The following CDKN2B-AS1 variants were observed in gnomAD, a reference collection of about 807,000 sequenced individuals.
CDKN2B-AS1 encodes the protein CDKN2B and CDKN2A antisense cis and trans regulatory RNA 1.
intron 1 of CDKN2B-AS1, among the ~76,000 whole-genome samples, chr9:22,038,461 C>T (rs1162958708): frequency 2.0e-5 from 3 of 151,956 alleles, no homozygotes; most frequent in Non-Finnish European, 4.4e-5. Context: ...CAAAGTGCAT[C>T]TTACTTTAAT....
At chr9:22,127,163 C>T (rs1387777471) in exon 5 of CDKN2B-AS1, among the ~76,000 whole-genome samples, 1 of 152,034 alleles carries the variant, frequency 6.6e-6, no homozygotes, top group African/African-American at 2.4e-5. Context: ...CTCACTGCAA[C>T]CTCTGCTACC....
At chr9:21,998,756 G>T (rs947880159) in intron 1 of CDKN2B-AS1, among the ~76,000 whole-genome samples, 5 of 152,200 alleles carry the variant, frequency 3.3e-5, no homozygotes, top group African/African-American at 1.2e-4. Context: ...CAAACTTAAT[G>T]TCCTATGACA....
At chr9:22,114,909 T>A (rs1416359563) in intron 4 of CDKN2B-AS1, among the ~76,000 whole-genome samples, 1 of 152,194 alleles carries the variant, frequency 6.6e-6, no homozygotes, top group African/African-American at 2.4e-5. Context: ...ATACTTTCAT[T>A]TATCATACTT....
intron 1 of CDKN2B-AS1, among the ~76,000 whole-genome samples, chr9:22,025,302 C>G (rs148194015): frequency 6.6e-6 from 1 of 152,310 alleles, no homozygotes; most frequent in East Asian, 1.9e-4. Context: ...GACTGGCCTC[C>G]TCTCCTTGAG....
At chr9:22,083,415 G>A (rs1183116053) in intron 4 of CDKN2B-AS1, among the ~76,000 whole-genome samples, 1 of 152,188 alleles carries the variant, frequency 6.6e-6, no homozygotes, top group Non-Finnish European at 1.5e-5. Flanking sequence ...CTACCGCTGG[G>A]ACAGAGAGGA....
In CDKN2B-AS1 at chr9:21,997,137, C is replaced by T. The variant is rs1467716512; in HGVS notation, n.29+1976C>T. ...CTAGGTGGTATAGTCTATTATACAT[C>T]TAGGCTGTATGGTATGGGCTATTGC... is the stretch of plus-strand genomic sequence containing the variant. On this transcript the variant is annotated intron_variant and non_coding_transcript_variant, in intron 1 of 4. Transcript: ENST00000650946. This position sits in a 1 kb window ranked among gnomAD's most constrained non-coding sequence, Gnocchi z 4.8. Among the ~76,000 whole-genome samples the T allele has an allele frequency of 6.6e-6, 1 of 152,138 alleles. No homozygotes were observed. The highest frequency in any genetic ancestry group is 6.5e-5 in the Admixed American group (1 of 15,276).
At chr9:22,077,511 A>G (rs1249987590) in intron 4 of CDKN2B-AS1, among the ~76,000 whole-genome samples, 2 of 152,232 alleles carry the variant, frequency 1.3e-5, no homozygotes, top group African/African-American at 4.8e-5. Context: ...AGTTTAATAT[A>G]AACAATTAGG....
chr9:22,057,672 G>A (rs996400421), intron 4 of CDKN2B-AS1, among the ~76,000 whole-genome samples: 3 of 152,254 alleles, frequency 2.0e-5, no homozygotes, highest in African/African-American at 7.2e-5. Flanking sequence ...GCCAGGTGTG[G>A]TGGTGGGCAC....
chr9:21,996,829 G>A lies in CDKN2B-AS1; in HGVS notation n.29+1668G>A, dbSNP rs368782482. Among the ~76,000 whole-genome samples the A allele has an allele frequency of 1.3e-5, 2 of 152,240 alleles. No individual in the cohort carries two copies. Among genetic ancestry groups the A allele is most frequent in the African/African-American group, 4.8e-5 (2 of 41,464 alleles). On this transcript the variant is annotated intron_variant and non_coding_transcript_variant, in intron 1 of 4. Coordinates refer to ENST00000650946, the Ensembl canonical transcript of CDKN2B-AS1. The surrounding 1 kb of genome is among the most constrained non-coding windows in gnomAD (Gnocchi z 5.4). ...CATTTAAAGATACTGGAGGAATGGA[G>A]TGGGAGCGGTGAGGGTTTCTTGGGC...
At chr9:22,112,663 A>T (rs1225571876) in intron 4 of CDKN2B-AS1, among the ~76,000 whole-genome samples, 1 of 152,208 alleles carries the variant, frequency 6.6e-6, no homozygotes, top group African/African-American at 2.4e-5. Context: ...AATAATCCCC[A>T]TGACATTTTT....
chr9:22,096,259 C>T (rs1033530655), intron 4 of CDKN2B-AS1: 1 of 152,164 alleles, frequency 6.6e-6, no homozygotes, highest in Non-Finnish European at 1.5e-5. Flanking sequence ...TTCAGCAGAC[C>T]TTTATCTATT....
At chr9:22,102,238 C>T (rs1004607042) in intron 4 of CDKN2B-AS1, among the ~76,000 whole-genome samples, 5 of 152,048 alleles carry the variant, frequency 3.3e-5, no homozygotes, top group Non-Finnish European at 5.9e-5. Flanking sequence ...TTTTTTTCCC[C>T]GGCTTTGAAA....
exon 5 of CDKN2B-AS1, among the ~76,000 whole-genome samples, chr9:22,127,315 T>A (rs1268646844): frequency 6.6e-6 from 1 of 151,958 alleles, no homozygotes; most frequent in African/African-American, 2.4e-5. Flanking sequence ...CTCCTGACCT[T>A]GTGATCCACC....
intron 1 of CDKN2B-AS1, among the ~76,000 whole-genome samples, chr9:22,037,119 G>T (rs1822720347): frequency 6.6e-6 from 1 of 151,982 alleles, no homozygotes; most frequent in South Asian, 2.1e-4. Context: ...TTCTACTCTG[G>T]GTTCTATTAT....
At chr9:22,019,186 A>C (rs1192003444) in intron 1 of CDKN2B-AS1, among the ~76,000 whole-genome samples, 1 of 152,230 alleles carries the variant, frequency 6.6e-6, no homozygotes, top group Non-Finnish European at 1.5e-5. Context: ...TGTATAGGCC[A>C]TGTTAGGACT....
At chr9:22,087,319 G>A (rs902270547) in intron 4 of CDKN2B-AS1, among the ~76,000 whole-genome samples, 3 of 152,168 alleles carry the variant, frequency 2.0e-5, no homozygotes, top group Admixed American at 2.0e-4. Context: ...GACCATGAGG[G>A]GACAAGTCTG....
At chr9:22,011,533 T>G (rs1409490949) in intron 1 of CDKN2B-AS1, among the ~76,000 whole-genome samples, 1 of 152,216 alleles carries the variant, frequency 6.6e-6, no homozygotes, top group African/African-American at 2.4e-5. Context: ...GTATAACTTT[T>G]GCGACTTCAG....
chr9:22,089,524 A>T (rs745805896), intron 4 of CDKN2B-AS1, among the ~76,000 whole-genome samples: 3 of 152,092 alleles, frequency 2.0e-5, no homozygotes, highest in Non-Finnish European at 4.4e-5. Flanking sequence ...TGATCTACCC[A>T]GATTCAAGTG....
At chr9:22,093,772 A>G (rs1825179081) in intron 4 of CDKN2B-AS1, among the ~76,000 whole-genome samples, 1 of 144,216 alleles carries the variant, frequency 6.9e-6, no homozygotes, top group South Asian at 2.1e-4. Context: ...CTCTTTATCC[A>G]ATTTGCCAGT....
Sources: gnomAD v4.1 joint callset for allele counts (sites outside exome capture counted in the v4.1 genomes callset) on GRCh38, gnomAD v4.1.1 for gene constraint, Gnocchi (gnomAD v3.1) non-coding constraint, MANE v1.5 for transcripts, NCBI Gene and HGNC (gene_info 2026-07-23, HGNC 2026-07-21) for gene names.